The following SIGLEC15 variants were observed in gnomAD, a reference collection of about 807,000 sequenced individuals.
SIGLEC15 encodes the protein sialic acid-binding Ig-like lectin 15.
In SIGLEC15, 31 loss-of-function variants were observed where a neutral mutation model predicts 26.2. The observed-to-expected ratio is 1.18, with a 90% CI of 0.89 to 1.60. The LOEUF (loss-of-function observed/expected upper bound fraction) is 1.60. Among genes scored for constraint, SIGLEC15 ranks in the 40% most tolerant of loss-of-function variants. The pLI, the probability that SIGLEC15 is intolerant of heterozygous loss-of-function variation, is 0.00. For missense variants in SIGLEC15, 501 were observed against 488.4 expected (o/e 1.03, Z -0.24); for synonymous variants, 207 against 221.9 (o/e 0.93, Z 0.60).
chr18:45,838,755 T>C lies in SIGLEC15; in HGVS notation c.534T>C (p.Ser178=), dbSNP rs756407556. 7 of 1,582,538 alleles carry C rather than the reference T, an allele frequency of 4.4e-6. No individual in the cohort carries two copies. The highest frequency in any genetic ancestry group is 2.7e-5 in the African/African-American group (2 of 73,704). The change falls in exon 4 of 6, where the codon AGT becomes AGC. Residue 178 remains serine, a synonymous_variant. Coordinates refer to ENST00000389474, the MANE Select transcript of SIGLEC15 (RefSeq NM_213602.3). ...TCGTCAACATCTCGGTGCTGCCCAG[T>C]CCGGCTCACGCCTTCCGCGCGCTCT... ...PRIVNISVLP[S]PAHAFRALCT... is the part of the protein sequence containing the mutation.
Position 45,843,167 on chromosome 18 carries a change from A to T in SIGLEC15, c.*980A>T, listed in dbSNP as rs1272228928. The T allele has an allele frequency of 1.3e-5, 2 of 152,240 alleles. No homozygotes were observed. The highest frequency in any genetic ancestry group is 1.9e-4 in the East Asian group (1 of 5,198). 9.4% of individuals were successfully genotyped at this position (152,240 alleles called of 1,614,324 possible). ...GGTCTGGCCGGAGAGTCCGTGCGTA[A>T]AGCAGCTACAGCTCTGACCTCTCTG... is the stretch of plus-strand genomic sequence containing the variant. On this transcript the variant is annotated 3_prime_UTR_variant, in exon 6 of 6. Transcript: ENST00000389474.
intron 2 of SIGLEC15, 66 bp downstream of exon 2, chr18:45,837,154 A>C: frequency 4.4e-6 from 7 of 1,597,200 alleles, no homozygotes; most frequent in Non-Finnish European, 5.1e-6. Context: ...ACGAGATCCC[A>C]GGGTTTTTCC....
chr18:45,840,111 T>G, intron 4 of SIGLEC15, 100 bp from the exon 5 acceptor site: 1 of 1,372,000 alleles, frequency 7.3e-7, no homozygotes, highest in Non-Finnish European at 1.0e-6. Context: ...AAACAGTGGT[T>G]TCCTCGAGAC....
At position 45,838,798 on chromosome 18, in the gene SIGLEC15, C is replaced by A; in HGVS notation, c.577C>A (p.Pro193Thr). The A allele has an allele frequency of 1.3e-6, 2 of 1,558,624 alleles. No individual in the cohort carries two copies. Among genetic ancestry groups the A allele is most frequent in the Non-Finnish European group, 1.7e-6 (2 of 1,159,260 alleles). Residue 193 changes from proline to threonine, a missense_variant, in exon 4 of 6, where the codon CCG becomes ACG. Coordinates refer to ENST00000389474, the MANE Select transcript of SIGLEC15 (RefSeq NM_213602.3). ...FRALCTAEGE[P>T]PPALAWSGPA... ...CGCGCTCTGCACTGCCGAAGGGGAG[C>A]CGCCGCCCGCCCTCGCCTGGTCCGG...
At chr18:45,825,981 T>G (rs1172095148) in intron 1 of SIGLEC15, among the ~76,000 whole-genome samples, 2 of 152,138 alleles carry the variant, frequency 1.3e-5, no homozygotes, top group Non-Finnish European at 1.5e-5. Context: ...TCAGGTGACT[T>G]GAGACAGGCA....
Position 45,842,235 on chromosome 18 carries a change from G to T in SIGLEC15, c.*48G>T, listed in dbSNP as rs376654392. 2 of 1,602,558 alleles carry T rather than the reference G, an allele frequency of 1.2e-6. No individual in the cohort carries two copies. The highest frequency in any genetic ancestry group is 2.7e-5 in the African/African-American group (2 of 74,656). On this transcript the variant is annotated 3_prime_UTR_variant, in exon 6 of 6. Transcript: ENST00000389474. ...CCATTTCAGCACTGTAAAGAACAAA[G>T]GCCAGTGCGAGGCTTGGCTGGCACA... is the stretch of plus-strand genomic sequence containing the variant.
At chr18:45,831,146 A>G (rs1599389167) in intron 1 of SIGLEC15, among the ~76,000 whole-genome samples, 1 of 152,180 alleles carries the variant, frequency 6.6e-6, no homozygotes, top group South Asian at 2.1e-4. Flanking sequence ...CCACCAAAGC[A>G]GAATGCCTCT....
intron 5 of SIGLEC15, 129 bp downstream of exon 5, chr18:45,840,370 G>A (rs1412125335): frequency 2.8e-6 from 3 of 1,081,414 alleles, no homozygotes; most frequent in Non-Finnish European, 3.9e-6. Context: ...ACCAGGGGCT[G>A]GGCCTTCCTT....
At chr18:45,837,442 G>A (rs1033406732) in intron 2 of SIGLEC15, 71 bp from the exon 3 acceptor site, 12 of 1,412,600 alleles carry the variant, frequency 8.5e-6, no homozygotes, top group Non-Finnish European at 1.0e-5. Flanking sequence ...GGGTCGTGGG[G>A]TTTCCAGGCC....
At chr18:45,833,287 G>C (rs1245771322) in intron 1 of SIGLEC15, among the ~76,000 whole-genome samples, 1 of 152,016 alleles carries the variant, frequency 6.6e-6, no homozygotes, top group African/African-American at 2.4e-5. Flanking sequence ...GCACCTGATG[G>C]GGTTGTTGTG....
intron 1 of SIGLEC15, among the ~76,000 whole-genome samples, chr18:45,831,743 C>CTT (rs3068941): frequency 0.54 from 78,838 of 146,620 alleles, 21,126 homozygotes; most frequent in East Asian, 0.58. Context: ...GTACCAACAT[C>CTT]TTTTTTTTTT....
chr18:45,833,443 A>T (rs2048250496), intron 1 of SIGLEC15, among the ~76,000 whole-genome samples: 1 of 152,078 alleles, frequency 6.6e-6, no homozygotes, highest in African/African-American at 2.4e-5. Flanking sequence ...AGCCTCCTGC[A>T]TAGGGATTAC....
intron 3 of SIGLEC15, 139 bp from the exon 4 acceptor site, chr18:45,838,579 T>A (rs772685536): frequency 5.2e-6 from 6 of 1,144,972 alleles, no homozygotes; most frequent in Admixed American, 3.2e-5. Flanking sequence ...CAAGGCCACA[T>A]CTGTATTGGG....
intron 1 of SIGLEC15, among the ~76,000 whole-genome samples, chr18:45,829,452 T>C (rs1418888179): frequency 6.6e-6 from 1 of 152,124 alleles, no homozygotes; most frequent in East Asian, 1.9e-4. Context: ...CAGAGAAAGA[T>C]TTGCAGGGAG....
intron 1 of SIGLEC15, among the ~76,000 whole-genome samples, chr18:45,828,277 A>G (rs537181840): frequency 4.6e-5 from 7 of 152,330 alleles, no homozygotes; most frequent in African/African-American, 1.7e-4. Flanking sequence ...CATTTGTCCC[A>G]GAAAGGCCCC....
At chr18:45,842,040 T>C (rs2048328486) in intron 5 of SIGLEC15, 66 bp from the exon 6 acceptor site, 1 of 1,453,542 alleles carries the variant, frequency 6.9e-7, no homozygotes, top group Admixed American at 1.7e-5. Context: ...ACTGCTGGCA[T>C]ATAGTTTGGG....
intron 1 of SIGLEC15, among the ~76,000 whole-genome samples, chr18:45,832,056 C>T (rs1170437941): frequency 6.6e-6 from 1 of 152,236 alleles, no homozygotes; most frequent in Non-Finnish European, 1.5e-5. Context: ...CCTGTGGCAT[C>T]ACCCTGAGCA....
At chr18:45,841,269 G>A (rs1445614300) in intron 5 of SIGLEC15, among the ~76,000 whole-genome samples, 1 of 152,078 alleles carries the variant, frequency 6.6e-6, no homozygotes, top group Non-Finnish European at 1.5e-5. Context: ...AGGAGCGGTG[G>A]AGTTCCAGAG....
rs997230145 is a variant in SIGLEC15, at chr18:45,837,582, T to C, written c.182T>C (p.Val61Ala). The change falls in exon 3 of 6, where the codon GTG (valine) becomes GCG (alanine). Residue 61 changes from valine to alanine, a missense_variant. Transcript: ENST00000389474. The part of the protein sequence containing the change: ...EVSAEAGDAA[V>A]LPCTFTHPHR... ...AGCGCGGAGGCAGGCGACGCGGCAG[T>C]GCTGCCCTGCACCTTCACGCACCCG... 2.6e-6 allele frequency: 4 copies of C among 1,515,464 alleles called. No homozygotes were observed. The highest frequency in any genetic ancestry group is 2.3e-4 in the Middle Eastern group (1 of 4,394). 93.9% of individuals were successfully genotyped at this position (1,515,464 alleles called of 1,614,324 possible).
Sources: allele counts gnomAD v4.1 joint callset (sites outside exome capture counted in the v4.1 genomes callset), GRCh38; gene constraint gnomAD v4.1.1; transcripts MANE v1.5; gene names NCBI Gene and HGNC (gene_info 2026-07-23, HGNC 2026-07-21).